Variants in JPT2 observed in about 807,000 individuals in gnomAD.
The protein encoded by JPT2 is CRAMP_1 like.
Under a neutral mutation model 15.9 loss-of-function variants are expected in JPT2, and 9 were observed. The ratio of observed to expected loss-of-function variants is 0.57; its 90% CI spans 0.34 to 0.99. JPT2 has a LOEUF of 0.99. Ranked by LOEUF, JPT2 falls within the 50% of genes least tolerant of loss-of-function variation. The pLI is 0.02. For missense variants in JPT2, 267 were observed against 252.1 expected (o/e 1.06, Z -0.40); for synonymous variants, 95 against 91.7 (o/e 1.04, Z -0.21).
chr16:1,678,421 C>T, intron 1 of JPT2, 65 bp downstream of exon 1: 3 of 1,204,016 alleles, frequency 2.5e-6, no homozygotes, highest in Middle Eastern at 3.2e-4. Context: ...CGGGCCAGCC[C>T]AGGGCGTCCA....
chr16:1,699,096 G>C lies in JPT2; in HGVS notation c.*98G>C, dbSNP rs745308091. The C allele has an allele frequency of 7.7e-7, 1 of 1,298,146 alleles. No individual in the cohort carries two copies. Among genetic ancestry groups the C allele is most frequent in the Non-Finnish European group, 1.1e-6 (1 of 908,040 alleles). 80.4% of individuals were successfully genotyped at this position (1,298,146 alleles called of 1,614,324 possible). Reference sequence around the variant, plus strand: ...TGCCCAAATGAGCGGGGTGGGAAGAGGGTTAGTCTTATGTGAGCCTGGCTG... The same window carrying C: ...TGCCCAAATGAGCGGGGTGGGAAGACGGTTAGTCTTATGTGAGCCTGGCTG... On this transcript the variant is annotated 3_prime_UTR_variant, in exon 5 of 5. Coordinates refer to ENST00000248098, the MANE Select transcript of JPT2 (RefSeq NM_144570.3).
chr16:1,679,042 C>T (rs946958191), intron 1 of JPT2, among the ~76,000 whole-genome samples: 3 of 152,228 alleles, frequency 2.0e-5, no homozygotes, highest in South Asian at 2.1e-4. Context: ...GATATCCTGA[C>T]TCAGCTTTAA....
rs1447725614 is a variant in JPT2, at chr16:1,699,098, G to A, written c.*100G>A. 1.6e-6 allele frequency: 2 copies of A among 1,284,922 alleles called. No homozygotes were observed. The highest frequency in any genetic ancestry group is 3.5e-5 in the Admixed American group (2 of 57,606). 79.6% of individuals were successfully genotyped at this position (1,284,922 alleles called of 1,614,324 possible). On this transcript the variant is annotated 3_prime_UTR_variant, in exon 5 of 5. Transcript: ENST00000248098. ...CCCAAATGAGCGGGGTGGGAAGAGG[G>A]TTAGTCTTATGTGAGCCTGGCTGCT...
At chr16:1,682,795 C>T (rs1292967677) in intron 1 of JPT2, among the ~76,000 whole-genome samples, 4 of 152,176 alleles carry the variant, frequency 2.6e-5, no homozygotes, top group African/African-American at 9.7e-5. Context: ...CACGCCCTCC[C>T]ACCCACCACC....
chr16:1,678,408 G>C (rs1472877747), intron 1 of JPT2, 52 bp downstream of exon 1: 13 of 1,222,454 alleles, frequency 1.1e-5, no homozygotes, highest in African/African-American at 1.6e-5. Flanking sequence ...CACGTGGCGG[G>C]AGCGGGCCAG....
Position 1,683,372 on chromosome 16 carries a change from A to G in JPT2, c.45-2067A>G, listed in dbSNP as rs1021452036. 5.9e-5 allele frequency: 37 copies of G among 622,296 alleles called. 1 individual carries two copies. In the Admixed American group the frequency reaches 8.6e-4, roughly 15 times the overall value. 38.5% of individuals were successfully genotyped at this position (622,296 alleles called of 1,614,324 possible). A position where few individuals can be genotyped will look rare whatever the true frequency, so the allele number is the denominator to read the frequency against. ...ACAGTCCTCCCACCTCGGCCTCCCA[A>G]GGTGCTGGGATTACAGGTGCCAGGT... On this transcript the variant is annotated intron_variant, in intron 1 of 4. Transcript: ENST00000248098.
chr16:1,682,640 C>G (rs1417174205), intron 1 of JPT2, among the ~76,000 whole-genome samples: 1 of 151,228 alleles, frequency 6.6e-6, no homozygotes, highest in Non-Finnish European at 1.5e-5. Flanking sequence ...CCATTGCACT[C>G]TGGCCTGGGC....
Position 1,701,645 on chromosome 16 carries a change from A to C in JPT2, c.*2647A>C, listed in dbSNP as rs1332786806. On this transcript the variant is annotated 3_prime_UTR_variant, in exon 5 of 5. Transcript: ENST00000248098. ...AACGGGTTTTTTTCCCTTGTATGCC[A>C]CTTGTCCTAACATGTCCTTAAGGTG... The C allele has an allele frequency of 6.6e-6, 1 of 151,254 alleles. No homozygotes were observed. The highest frequency in any genetic ancestry group is 6.6e-5 in the Admixed American group (1 of 15,134). 9.4% of individuals were successfully genotyped at this position (151,254 alleles called of 1,614,324 possible). A position where few individuals can be genotyped will look rare whatever the true frequency, so the allele number is the denominator to read the frequency against.
intron 3 of JPT2, chr16:1,692,564 G>A (rs1307577296): frequency 6.4e-6 from 1 of 157,400 alleles, no homozygotes; most frequent in Non-Finnish European, 1.4e-5. Flanking sequence ...GGATTGATCA[G>A]AGCTGCAGCC....
intron 1 of JPT2, among the ~76,000 whole-genome samples, chr16:1,679,721 T>A (rs1164236964): frequency 6.9e-6 from 1 of 144,204 alleles, no homozygotes; most frequent in Non-Finnish European, 1.5e-5. Flanking sequence ...CCCTTTAGAT[T>A]TGAGGGAGTT....
Position 1,700,353 on chromosome 16 carries a change from A to C in JPT2, c.*1355A>C. On this transcript the variant is annotated 3_prime_UTR_variant, in exon 5 of 5. Coordinates refer to ENST00000248098, the MANE Select transcript of JPT2 (RefSeq NM_144570.3). ...CTCAAGGGCTGCAGGCCCAGTTCTC[A>C]TGCTGCCCTTGGGTGGGCATCTGTT... is the stretch of plus-strand genomic sequence containing the variant. The C allele has an allele frequency of 6.4e-6, 2 of 314,912 alleles. No individual in the cohort carries two copies. Among genetic ancestry groups the C allele is most frequent in the Non-Finnish European group, 1.3e-5 (2 of 151,662 alleles). 19.5% of individuals were successfully genotyped at this position (314,912 alleles called of 1,614,324 possible).
At chr16:1,683,200 T>G (rs1377246963) in intron 1 of JPT2, among the ~76,000 whole-genome samples, 1 of 152,100 alleles carries the variant, frequency 6.6e-6, no homozygotes, top group African/African-American at 2.4e-5. Flanking sequence ...ATGGTCTCGA[T>G]CTCCTGACCT....
chr16:1,692,099 T>G (rs1596508385), intron 3 of JPT2, 114 bp downstream of exon 3: 1 of 1,326,376 alleles, frequency 7.5e-7, no homozygotes, highest in Non-Finnish European at 1.0e-6. Flanking sequence ...GTGGGTGCCG[T>G]AGATTATCCT....
At chr16:1,689,652 C>T (rs924436985) in intron 2 of JPT2, 10 of 152,218 alleles carry the variant, frequency 6.6e-5, no homozygotes, top group Non-Finnish European at 1.3e-4. Context: ...TTGTTTCCCA[C>T]GCTAGTATTG....
chr16:1,683,879 G>T (rs1157252105), intron 1 of JPT2, among the ~76,000 whole-genome samples: 1 of 152,064 alleles, frequency 6.6e-6, no homozygotes, highest in Non-Finnish European at 1.5e-5. Context: ...TTCAAGTATG[G>T]TCATCCTTGG....
At chr16:1,696,277 T>C (rs2037141142) in intron 3 of JPT2, among the ~76,000 whole-genome samples, 1 of 151,950 alleles carries the variant, frequency 6.6e-6, no homozygotes, top group Non-Finnish European at 1.5e-5. Context: ...GGCTCACACC[T>C]GTAATCCCAG....
At chr16:1,689,577 TCAA>T in intron 2 of JPT2, 1 of 152,326 alleles carries the variant, frequency 6.6e-6, no homozygotes, top group African/African-American at 2.4e-5. Context: ...TCCTCTCACC[TCAA>T]CCTTCTGAGG....
intron 2 of JPT2, 104 bp from the exon 3 acceptor site, chr16:1,691,739 C>G (rs1216527455): frequency 2.0e-5 from 28 of 1,376,150 alleles, no homozygotes; most frequent in Admixed American, 6.6e-5. Context: ...AGGGCTGGCA[C>G]TCGGGGTTCC....
chr16:1,688,273 A>G (rs1387710912), intron 2 of JPT2: 1 of 152,262 alleles, frequency 6.6e-6, no homozygotes, highest in Middle Eastern at 3.4e-3. Flanking sequence ...GCTAGTCGGT[A>G]GCAGAACTAG....
Sources: allele counts gnomAD v4.1 joint callset (sites outside exome capture counted in the v4.1 genomes callset), GRCh38; gene constraint gnomAD v4.1.1; transcripts MANE v1.5; gene names NCBI Gene and HGNC (gene_info 2026-07-23, HGNC 2026-07-21).